The following CFAP52 variants were observed in gnomAD, a reference collection of about 807,000 sequenced individuals.
CFAP52 encodes cilia- and flagella-associated protein 52.
In CFAP52, 57 loss-of-function variants were observed where a neutral mutation model predicts 70.5. The ratio of observed to expected loss-of-function variants is 0.81; its 90% confidence interval spans 0.65 to 1.01. The LOEUF is 1.01. CFAP52 is among the 50% of genes least tolerant of loss of function. CFAP52 has a pLI of 0.00. For missense variants in CFAP52, 785 were observed against 788.5 expected (o/e 1.00, Z 0.05); for synonymous variants, 267 against 292.5 (o/e 0.91, Z 0.89).
intron 4 of CFAP52, among the ~76,000 whole-genome samples, chr17:9,596,995 G>A (rs906241296): frequency 1.3e-5 from 2 of 152,100 alleles, no homozygotes; most frequent in African/African-American, 4.8e-5. Flanking sequence ...TGGGATTACT[G>A]GTGTGAGCCA....
At chr17:9,610,608 C>T (rs752681211) in intron 7 of CFAP52, among the ~76,000 whole-genome samples, 57 of 151,996 alleles carry the variant, frequency 3.8e-4, no homozygotes, top group Admixed American at 1.2e-3. Flanking sequence ...CATCTTGGCT[C>T]ACTGCAACCT....
chr17:9,607,885 C>T (rs1426176421), intron 6 of CFAP52, among the ~76,000 whole-genome samples: 5 of 152,092 alleles, frequency 3.3e-5, no homozygotes, highest in African/African-American at 7.2e-5. Context: ...GGGGGTGCAT[C>T]GCGAGCAGAA....
chr17:9,625,565 C>A (rs1311390847), intron 8 of CFAP52, among the ~76,000 whole-genome samples: 1 of 152,176 alleles, frequency 6.6e-6, no homozygotes, highest in Non-Finnish European at 1.5e-5. Context: ...GCCCTCAACT[C>A]TGATCTCTAG....
At chr17:9,602,771 G>A (rs977549778) in intron 6 of CFAP52, among the ~76,000 whole-genome samples, 1 of 152,108 alleles carries the variant, frequency 6.6e-6, no homozygotes, top group Non-Finnish European at 1.5e-5. Context: ...ATCCTCCCCA[G>A]CATCTGTTGT....
At chr17:9,632,569 G>A (rs1439448440) in intron 9 of CFAP52, among the ~76,000 whole-genome samples, 1 of 152,156 alleles carries the variant, frequency 6.6e-6, no homozygotes, top group African/African-American at 2.4e-5. Flanking sequence ...TGGAACTGTT[G>A]AGAGGTGCTC....
At chr17:9,643,000 A>G (rs1597800887) in intron 13 of CFAP52, 23 bp from the exon 14 acceptor site, 2 of 1,582,230 alleles carry the variant, frequency 1.3e-6, no homozygotes, top group Non-Finnish European at 8.6e-7. Context: ...CAGCAATGCC[A>G]TATACGTGTT....
intron 1 of CFAP52, among the ~76,000 whole-genome samples, chr17:9,584,597 A>G (rs1908367702): frequency 2.2e-5 from 1 of 44,856 alleles, no homozygotes. Flanking sequence ...CTTTTAGCAG[A>G]TTAATGCAGT....
intron 8 of CFAP52, among the ~76,000 whole-genome samples, chr17:9,622,051 A>C (rs1394090076): frequency 6.6e-6 from 1 of 152,250 alleles, no homozygotes; most frequent in Non-Finnish European, 1.5e-5. Flanking sequence ...GACTACAGTT[A>C]ACCAATGTTT....
At chr17:9,601,551 C>CTA (rs931914401) in intron 6 of CFAP52, among the ~76,000 whole-genome samples, 4 of 152,250 alleles carry the variant, frequency 2.6e-5, no homozygotes, top group African/African-American at 9.6e-5. Context: ...ATCTATAAAA[C>CTA]TATATATATA....
intron 6 of CFAP52, among the ~76,000 whole-genome samples, chr17:9,603,872 C>T (rs1039501143): frequency 3.3e-5 from 5 of 152,098 alleles, no homozygotes; most frequent in Admixed American, 3.3e-4. Flanking sequence ...AAGAAGAACA[C>T]AGTTGGAGGA....
chr17:9,600,333 C>T (rs1048664722), intron 6 of CFAP52, 150 bp downstream of exon 6: 5 of 674,588 alleles, frequency 7.4e-6, no homozygotes, highest in South Asian at 5.2e-5. Flanking sequence ...CTTCTGCCTC[C>T]CAGGTTCAAG....
At chr17:9,596,059 G>GTATATATATATATATA (rs796314327) in intron 4 of CFAP52, among the ~76,000 whole-genome samples, 1 of 85,206 alleles carries the variant, frequency 1.2e-5, no homozygotes, top group African/African-American at 4.5e-5. Flanking sequence ...ATATGTGTGT[G>GTATATATATATATATA]TATATATATA....
At chr17:9,587,304 A>G (rs1908541376) in intron 3 of CFAP52, among the ~76,000 whole-genome samples, 1 of 152,134 alleles carries the variant, frequency 6.6e-6, no homozygotes, top group African/African-American at 2.4e-5. Context: ...TGTCTTTGCT[A>G]TTGTGAATAG....
At chr17:9,598,484 AG>A in intron 5 of CFAP52, 151 bp downstream of exon 5, 1 of 587,254 alleles carries the variant, frequency 1.7e-6, no homozygotes, top group Non-Finnish European at 2.9e-6. Flanking sequence ...CACTTTGGCC[AG>A]GTGCAGTGGC....
chr17:9,636,171 T>G (rs1457896642), intron 11 of CFAP52, among the ~76,000 whole-genome samples: 1 of 97,608 alleles, frequency 1.0e-5, no homozygotes, highest in African/African-American at 4.2e-5. Context: ...TGAAACTCTG[T>G]CTCAAAAAAA....
chr17:9,643,583 C>G (rs1411385849), downstream of CFAP52: 1 of 155,630 alleles, frequency 6.4e-6, no homozygotes, highest in African/African-American at 2.4e-5. Context: ...TTTCATTGGT[C>G]AAGCTATATG....
In CFAP52 at chr17:9,628,661, C is replaced by T. The variant is rs759559976; in HGVS notation, c.1026-11C>T. 2.5e-6 allele frequency: 4 copies of T among 1,609,670 alleles called. No homozygotes were observed. Among genetic ancestry groups the T allele is most frequent in the Non-Finnish European group, 2.6e-6 (3 of 1,176,330 alleles). On this transcript the variant is annotated splice_polypyrimidine_tract_variant and intron_variant, in intron 8 of 13. Transcript: ENST00000352665. ...CTTTTATGGTTGCATCTCTTGATGGCTTCCTTGCAGTGGCACTGCTGAGCT... is the reference window on the plus strand; with the variant it reads ...CTTTTATGGTTGCATCTCTTGATGGTTTCCTTGCAGTGGCACTGCTGAGCT...
intron 1 of CFAP52, among the ~76,000 whole-genome samples, 165 bp from the exon 2 acceptor site, chr17:9,585,608 T>C (rs1318465611): frequency 7.7e-4 from 1 of 1,294 alleles, no homozygotes; most frequent in Non-Finnish European, 1.4e-3. Flanking sequence ...GAGGTGAAGG[T>C]TGCAGTGAGC....
chr17:9,606,411 G>A (rs1210588988), intron 6 of CFAP52, among the ~76,000 whole-genome samples: 30 of 151,788 alleles, frequency 2.0e-4, no homozygotes, highest in Admixed American at 2.0e-3. Flanking sequence ...ACACGAACAT[G>A]CAAATACAAA....
Sources: allele counts gnomAD v4.1 joint callset (sites outside exome capture counted in the v4.1 genomes callset), GRCh38; gene constraint gnomAD v4.1.1; transcripts MANE v1.5; gene names NCBI Gene and HGNC (gene_info 2026-07-23, HGNC 2026-07-21).